The following COX20 variants were observed in gnomAD, a reference collection of about 807,000 sequenced individuals.
The protein encoded by COX20 is cytochrome c oxidase assembly factor COX20.
COX20 carries 14 observed loss-of-function variants against 14.3 expected under a neutral mutation model. That is an observed-to-expected ratio of 0.98 (90% confidence interval 0.65 to 1.53). The LOEUF (loss-of-function observed/expected upper bound fraction) is 1.53. COX20 is among the 40% of genes most tolerant of loss of function. The pLI is 0.00. For synonymous variants in COX20, 56 were observed against 51.7 expected (o/e 1.08, Z -0.36); for missense variants, 149 against 142.1 (o/e 1.05, Z -0.25).
Position 244,835,683 on chromosome 1 carries a change from T to A in COX20, c.-32T>A. ...GCTTCTGCTTCCGCGACCCCGGCGG[T>A]GCAGGGCGGGTGGAGTCGCGGAGTA... On this transcript the variant is annotated 5_prime_UTR_variant, in exon 1 of 4. Transcript: ENST00000411948. 1 of 1,242,886 alleles carries A rather than the reference T, an allele frequency of 8.0e-7. No homozygotes were observed. Among genetic ancestry groups the A allele is most frequent in the Non-Finnish European group, 1.0e-6 (1 of 993,158 alleles). 77.0% of individuals were successfully genotyped at this position (1,242,886 alleles called of 1,614,324 possible).
chr1:244,839,001 G>T (rs900764189), intron 1 of COX20, among the ~76,000 whole-genome samples: 5 of 152,198 alleles, frequency 3.3e-5, no homozygotes, highest in Admixed American at 3.3e-4. Context: ...TGTTGGCCAG[G>T]CTGGTCTCGA....
At chr1:244,837,049 G>A (rs1485434291) in intron 1 of COX20, among the ~76,000 whole-genome samples, 1 of 151,450 alleles carries the variant, frequency 6.6e-6, no homozygotes, top group East Asian at 1.9e-4. Context: ...TGGGACTTTT[G>A]GTAGGAGATA....
chr1:244,839,095 C>T (rs2102971629), intron 1 of COX20, among the ~76,000 whole-genome samples: 1 of 152,152 alleles, frequency 6.6e-6, no homozygotes, highest in South Asian at 2.1e-4. Flanking sequence ...GCCAAGAGGG[C>T]TGATAGTAAA....
rs1220129752 is a variant in COX20 at position 244,844,311 on chromosome 1, A to C, written c.*1135A>C. The C allele has an allele frequency of 2.0e-5, 3 of 152,212 alleles. No individual in the cohort carries two copies. 9.4% of individuals were successfully genotyped at this position (152,212 alleles called of 1,614,324 possible). ...GGATGCAGAGGCTGTGTGGTTTACC[A>C]AATGCCTTAACTTAGCAGTGAATGA... is the stretch of plus-strand genomic sequence containing the variant. On this transcript the variant is annotated 3_prime_UTR_variant, in exon 4 of 4. Coordinates refer to ENST00000411948, the MANE Select transcript of COX20 (RefSeq NM_198076.6).
Position 244,843,347 on chromosome 1 carries a change from C to A in COX20, c.*171C>A. 2 of 645,818 alleles carry A rather than the reference C, an allele frequency of 3.1e-6. No homozygotes were observed. Among genetic ancestry groups the A allele is most frequent in the Non-Finnish European group, 2.6e-6 (1 of 384,184 alleles). The allele number at this position is 645,818 out of a possible 1,614,324, so 40.0% of individuals were successfully genotyped here. ...GTTTATTCTGGCCCTGTGTCTACTG[C>A]CAGGATAGCATTCTTACGTGTTACA... On this transcript the variant is annotated 3_prime_UTR_variant, in exon 4 of 4. Transcript: ENST00000411948.
In COX20 at chr1:244,841,964, T is replaced by G. The variant is rs769628366; in HGVS notation, c.63T>G (p.Phe21Leu). ...EERKSLKLLG[F>L]LDVENTPCAR... ...TCTAGTCCCTTAAGCTCCTAGGATT[T>G]TTAGATGTTGAAAATACTCCCTGCG... The change falls in exon 2 of 4, where the codon TTT becomes TTG. Residue 21 changes from phenylalanine to leucine, a missense_variant. Phe to Leu is a conservative substitution (Grantham distance 22, BLOSUM62 0). Transcript: ENST00000411948. 6.3e-7 allele frequency: 1 copy of G among 1,599,526 alleles called. No homozygotes were observed. The highest frequency in any genetic ancestry group is 2.2e-5 in the East Asian group (1 of 44,804).
chr1:244,842,622 C>T (rs1245993865), intron 3 of COX20: 3 of 270,382 alleles, frequency 1.1e-5, no homozygotes, highest in East Asian at 1.6e-4. Context: ...ATTTGCCAGA[C>T]CTAAGAGTAT....
At position 244,844,134 on chromosome 1, in the gene COX20, A is replaced by T. The variant is rs1680330032; in HGVS notation, c.*958A>T. 6.6e-6 allele frequency: 1 copy of T among 152,232 alleles called. No homozygotes were observed. Among genetic ancestry groups the T allele is most frequent in the Non-Finnish European group, 1.5e-5 (1 of 68,038 alleles). The allele number at this position is 152,232 out of a possible 1,614,324, so 9.4% of individuals were successfully genotyped here. A position where few individuals can be genotyped will look rare whatever the true frequency, so the allele number is the denominator to read the frequency against. On this transcript the variant is annotated 3_prime_UTR_variant, in exon 4 of 4. Coordinates refer to ENST00000411948, the MANE Select transcript of COX20 (RefSeq NM_198076.6). ...ATTACTGGTCCTATTATTTTGATGT[A>T]CCATGGAAGGCACAGAAATCGAGCA...
At position 244,842,193 on chromosome 1, in the gene COX20, A is replaced by T; in HGVS notation, c.158-2A>T. ...AATTAATTGTTATGCTTATTTTTACAGGTAGAATTAGAAGATCATGTGATG... is the reference window on the plus strand; with the variant it reads ...AATTAATTGTTATGCTTATTTTTACTGGTAGAATTAGAAGATCATGTGATG... On this transcript the variant is annotated splice_acceptor_variant, in intron 2 of 3. Transcript: ENST00000411948. LOFTEE classifies it high-confidence loss of function. 1 of 1,584,840 alleles carries T rather than the reference A, an allele frequency of 6.3e-7. No homozygotes were observed. Among genetic ancestry groups the T allele is most frequent in the Non-Finnish European group, 8.7e-7 (1 of 1,153,946 alleles).
chr1:244,839,368 C>A (rs1425099722), intron 1 of COX20, among the ~76,000 whole-genome samples: 4 of 152,084 alleles, frequency 2.6e-5, no homozygotes, highest in South Asian at 4.1e-4. Context: ...CTTGAGCTTT[C>A]CTTAGATTGA....
rs1680234736 is a variant in COX20 at position 244,842,208 on chromosome 1, AT to A, written c.172del (p.Ser58HisfsTer6). The A allele has an allele frequency of 6.2e-7, 1 of 1,607,014 alleles. No individual in the cohort carries two copies. The highest frequency in any genetic ancestry group is 1.3e-5 in the African/African-American group (1 of 74,716). ...HFLFTSRIRR[S>X]CDVGVGGFIL... ...TTATTTTTACAGGTAGAATTAGAAGATCATGTGATGTTGGAGTAGGAGGGTT... is the reference window on the plus strand; with the variant it reads ...TTATTTTTACAGGTAGAATTAGAAGACATGTGATGTTGGAGTAGGAGGGTT... On this transcript the variant is annotated frameshift_variant, in exon 3 of 4. Transcript: ENST00000411948. LOFTEE classifies it high-confidence loss of function.
At chr1:244,841,817 C>T (rs1680210351) in intron 1 of COX20, 127 bp from the exon 2 acceptor site, 2 of 610,574 alleles carry the variant, frequency 3.3e-6, no homozygotes, top group Middle Eastern at 4.4e-4. Context: ...TTTAGGTTGT[C>T]ACGTGGCACA....
intron 1 of COX20, chr1:244,841,579 G>A (rs954096543): frequency 1.8e-5 from 3 of 166,678 alleles, no homozygotes; most frequent in African/African-American, 7.2e-5. Context: ...TGGAGTTACT[G>A]AAGCAAGCTA....
At chr1:244,841,918 A>G in intron 1 of COX20, 26 bp from the exon 2 acceptor site, 1 of 1,381,898 alleles carries the variant, frequency 7.2e-7, no homozygotes, top group Non-Finnish European at 1.0e-6. Flanking sequence ...TTCTTACTCA[A>G]TCTAGGTTCT....
At position 244,843,190 on chromosome 1, in the gene COX20, T is replaced by C; in HGVS notation, c.*14T>C. ...AGCAGCAATTGAACAATCTTGAGCA[T>C]AGAAGTCAATGTAAACGAAGTTAAG... On this transcript the variant is annotated 3_prime_UTR_variant, in exon 4 of 4. Coordinates refer to ENST00000411948, the MANE Select transcript of COX20 (RefSeq NM_198076.6). 2 of 1,562,290 alleles carry C rather than the reference T, an allele frequency of 1.3e-6. No individual in the cohort carries two copies. Among genetic ancestry groups the C allele is most frequent in the Non-Finnish European group, 1.7e-6 (2 of 1,159,730 alleles).
chr1:244,841,428 TG>T (rs1680195635), intron 1 of COX20: 1 of 153,690 alleles, frequency 6.5e-6, no homozygotes. Context: ...TATCTTAAGG[TG>T]AAACATTTAC....
Position 244,843,417 on chromosome 1 carries a change from C to A in COX20, c.*241C>A. The A allele has an allele frequency of 2.2e-6, 1 of 449,530 alleles. No homozygotes were observed. The highest frequency in any genetic ancestry group is 3.1e-5 in the South Asian group (1 of 32,222). The allele number at this position is 449,530 out of a possible 1,614,324, so 27.8% of individuals were successfully genotyped here. On this transcript the variant is annotated 3_prime_UTR_variant, in exon 4 of 4. Coordinates refer to ENST00000411948, the MANE Select transcript of COX20 (RefSeq NM_198076.6). ...TTAAAATGTGAACAGAATTTATTGG[C>A]AGTGTGGCAAAGAATTATAAAACAT... is the stretch of plus-strand genomic sequence containing the variant.
chr1:244,835,830 C>T (rs1679959928), intron 1 of COX20, 74 bp downstream of exon 1: 13 of 1,103,326 alleles, frequency 1.2e-5, no homozygotes, highest in South Asian at 8.2e-5. Context: ...AGCTCCTAGG[C>T]CCGGAGCACG....
At chr1:244,837,039 T>G (rs1680011547) in intron 1 of COX20, among the ~76,000 whole-genome samples, 1 of 151,686 alleles carries the variant, frequency 6.6e-6, no homozygotes, top group Non-Finnish European at 1.5e-5. Context: ...GAATCCTGAA[T>G]GGGACTTTTG....
Sources: gnomAD v4.1 joint callset for allele counts (sites outside exome capture counted in the v4.1 genomes callset) on GRCh38, gnomAD v4.1.1 for gene constraint, MANE v1.5 for transcripts, NCBI Gene and HGNC (gene_info 2026-07-23, HGNC 2026-07-21) for gene names.